Variants in ZMAT4 observed in about 807,000 individuals in gnomAD.
The protein encoded by ZMAT4 is zinc finger matrin-type 4, also known as zinc finger matrin-type protein 4.
Under a neutral mutation model 28.7 loss-of-function variants are expected in ZMAT4, and 17 were observed. The ratio of observed to expected loss-of-function variants is 0.59; its 90% CI spans 0.41 to 0.89. ZMAT4 has a LOEUF of 0.89. Ranked by LOEUF, ZMAT4 falls within the 40% of genes least tolerant of loss-of-function variation. The pLI is 0.00. For missense variants in ZMAT4, 240 were observed against 283.8 expected (o/e 0.85, Z 1.11); for synonymous variants, 117 against 109.2 (o/e 1.07, Z -0.44).
intron 5 of ZMAT4, among the ~76,000 whole-genome samples, chr8:40,642,840 A>T (rs188166295): frequency 1.3e-5 from 2 of 152,302 alleles, no homozygotes; most frequent in Admixed American, 1.3e-4. Flanking sequence ...GAAACCTCAC[A>T]TATAAGCCAT....
At chr8:40,534,362 A>C (rs1802781844) in intron 6 of ZMAT4, among the ~76,000 whole-genome samples, 1 of 152,234 alleles carries the variant, frequency 6.6e-6, no homozygotes, top group Non-Finnish European at 1.5e-5. Flanking sequence ...ATAAACACGC[A>C]GCCATCCAAT....
chr8:40,767,089 G>C (rs1813190830), intron 3 of ZMAT4, among the ~76,000 whole-genome samples: 1 of 152,152 alleles, frequency 6.6e-6, no homozygotes, highest in South Asian at 2.1e-4. Context: ...TAAGCCCTTT[G>C]CTCTGACTTG....
intron 1 of ZMAT4, among the ~76,000 whole-genome samples, chr8:40,859,907 G>A (rs1817430208): frequency 6.6e-6 from 1 of 152,146 alleles, no homozygotes; most frequent in South Asian, 2.1e-4. Context: ...TACTACCCAA[G>A]CAACTTTAAA....
intron 3 of ZMAT4, among the ~76,000 whole-genome samples, chr8:40,705,204 A>G (rs1335222591): frequency 1.3e-5 from 2 of 152,196 alleles, no homozygotes; most frequent in African/African-American, 4.8e-5. Context: ...AAATATTTAA[A>G]CAGATGGTCA....
intron 3 of ZMAT4, among the ~76,000 whole-genome samples, chr8:40,715,121 T>A (rs1810793629): frequency 6.7e-6 from 1 of 148,594 alleles, no homozygotes; most frequent in Non-Finnish European, 1.5e-5. Context: ...GACTTTTGAA[T>A]AAAGGCCAGA....
At chr8:40,881,016 G>T (rs925231905) in intron 1 of ZMAT4, among the ~76,000 whole-genome samples, 3 of 152,206 alleles carry the variant, frequency 2.0e-5, no homozygotes, top group Non-Finnish European at 1.5e-5. Flanking sequence ...ATTTAAACTG[G>T]TTTCGTCTAA....
intron 1 of ZMAT4, among the ~76,000 whole-genome samples, chr8:40,858,006 G>T (rs1358383501): frequency 1.3e-5 from 2 of 152,204 alleles, no homozygotes; most frequent in Non-Finnish European, 2.9e-5. Flanking sequence ...TTGCCTCTGG[G>T]GAATGGGAGT....
intron 1 of ZMAT4, among the ~76,000 whole-genome samples, chr8:40,893,079 A>G (rs1259026107): frequency 6.6e-6 from 1 of 152,138 alleles, no homozygotes; most frequent in African/African-American, 2.4e-5. Context: ...CTCTAGTTCA[A>G]TCCTTGCTGG....
chr8:40,759,238 G>A (rs1812825066), intron 3 of ZMAT4, among the ~76,000 whole-genome samples: 1 of 146,222 alleles, frequency 6.8e-6, no homozygotes, highest in African/African-American at 2.5e-5. Flanking sequence ...GCCGAGGCTG[G>A]GCCACTGCAC....
chr8:40,710,704 T>G (rs1810573579), intron 3 of ZMAT4, among the ~76,000 whole-genome samples: 2 of 151,848 alleles, frequency 1.3e-5, no homozygotes, highest in African/African-American at 4.8e-5. Flanking sequence ...AAGCTAGGAA[T>G]GACTACTACA....
At chr8:40,846,782 C>T (rs1816915469) in intron 1 of ZMAT4, among the ~76,000 whole-genome samples, 1 of 152,166 alleles carries the variant, frequency 6.6e-6, no homozygotes, top group Admixed American at 6.5e-5. Flanking sequence ...GAGCTGCTAC[C>T]GTCCGTTCCA....
At chr8:40,665,363 T>C (rs1808367268) in intron 5 of ZMAT4, among the ~76,000 whole-genome samples, 1 of 152,164 alleles carries the variant, frequency 6.6e-6, no homozygotes, top group South Asian at 2.1e-4. Flanking sequence ...TGCATCCTCT[T>C]GCAATCCATC....
Position 40,871,122 on chromosome 8 carries a change from A to G in ZMAT4, c.-5+26561T>C, listed in dbSNP as rs1293580679. ...GGGAAGATACATGACTCCACTGCCC[A>G]CTCATTCAGGTAAAGACAGAGCTTG... is the stretch of plus-strand genomic sequence containing the variant. On this transcript the variant is annotated intron_variant, in intron 1 of 6. Coordinates refer to ENST00000297737, the MANE Select transcript of ZMAT4 (RefSeq NM_024645.3). Among the ~76,000 whole-genome samples the G allele has an allele frequency of 2.6e-5, 4 of 152,180 alleles. No homozygotes were observed. In the East Asian group the frequency reaches 5.8e-4, roughly 22 times the overall value.
At chr8:40,735,740 T>G (rs1337336900) in intron 3 of ZMAT4, among the ~76,000 whole-genome samples, 1 of 152,194 alleles carries the variant, frequency 6.6e-6, no homozygotes, top group African/African-American at 2.4e-5. Context: ...AGCAGTGAGT[T>G]CAGTGTCTCA....
At chr8:40,728,659 G>A (rs1013722301) in intron 3 of ZMAT4, among the ~76,000 whole-genome samples, 5 of 152,244 alleles carry the variant, frequency 3.3e-5, no homozygotes, top group African/African-American at 9.6e-5. Context: ...TGGGGAAAGA[G>A]AGAGTCAGGA....
At chr8:40,599,033 GC>G (rs1160794684) in intron 5 of ZMAT4, among the ~76,000 whole-genome samples, 1 of 152,130 alleles carries the variant, frequency 6.6e-6, no homozygotes, top group Non-Finnish European at 1.5e-5. Context: ...ACTCTTAAAT[GC>G]CTGACATTGA....
At chr8:40,579,278 A>T (rs138668016) in intron 6 of ZMAT4, among the ~76,000 whole-genome samples, 1 of 152,152 alleles carries the variant, frequency 6.6e-6, no homozygotes, top group Admixed American at 6.5e-5. Context: ...TGATGAATAC[A>T]TGCTCCCAAA....
chr8:40,540,495 T>C (rs1162664306), intron 6 of ZMAT4, among the ~76,000 whole-genome samples: 1 of 152,214 alleles, frequency 6.6e-6, no homozygotes, highest in Non-Finnish European at 1.5e-5. Context: ...GGGACCCTCC[T>C]AGACCTTCTT....
chr8:40,872,650 C>T (rs1272289456), intron 1 of ZMAT4, among the ~76,000 whole-genome samples: 1 of 152,112 alleles, frequency 6.6e-6, no homozygotes, highest in Admixed American at 6.5e-5. Flanking sequence ...CCAGCAGTCC[C>T]TCACTCCACA....
Sources: gnomAD v4.1 joint callset for allele counts (sites outside exome capture counted in the v4.1 genomes callset) on GRCh38, gnomAD v4.1.1 for gene constraint, MANE v1.5 for transcripts, NCBI Gene and HGNC (gene_info 2026-07-23, HGNC 2026-07-21) for gene names.